MCC: variants seen among roughly 807,000 people sequenced by gnomAD.
The protein encoded by MCC is MCC regulator of Wnt signaling pathway, also known as colorectal mutant cancer protein.
A neutral mutation model predicts 116.2 loss-of-function variants in MCC; 90 were observed. The observed-to-expected ratio is 0.77, with a 90% CI of 0.65 to 0.92. MCC has a LOEUF of 0.92. MCC is among the 40% of genes least tolerant of loss of function. MCC has a pLI of 0.00. For synonymous variants in MCC, 578 were observed against 510.5 expected (o/e 1.13, Z -1.78); for missense variants, 1,516 against 1,312.2 (o/e 1.16, Z -2.40).
intron 1 of MCC, among the ~76,000 whole-genome samples, chr5:113,391,530 C>G (rs986027159): frequency 1.3e-5 from 2 of 152,006 alleles, no homozygotes; most frequent in Non-Finnish European, 2.9e-5. Context: ...GCCCGGGCAA[C>G]AAAGTGAGAC....
At chr5:113,202,641 TAAGTC>T (rs921949073) in intron 3 of MCC, among the ~76,000 whole-genome samples, 36 of 152,268 alleles carry the variant, frequency 2.4e-4, no homozygotes, top group African/African-American at 8.4e-4. Context: ...GGAAAAAACT[TAAGTC>T]AAACAACACA....
intron 5 of MCC, among the ~76,000 whole-genome samples, chr5:113,126,807 G>A (rs1405013277): frequency 1.3e-5 from 2 of 152,220 alleles, no homozygotes; most frequent in Non-Finnish European, 2.9e-5. Context: ...GGTGAGTCAT[G>A]AGCTATGTGT....
Position 113,228,609 on chromosome 5 carries a change from T to C in MCC, c.628-77187A>G, listed in dbSNP as rs116343497. On this transcript the variant is annotated intron_variant, in intron 3 of 18. Coordinates refer to ENST00000408903, the MANE Select transcript of MCC (RefSeq NM_001085377.2). ...GGTGGTAGGGGTAGGGTATAGATCA[T>C]ACAGGGCCCACTTTCAGGACTTAAG... 4.8e-3 allele frequency among the ~76,000 whole-genome samples: 735 copies of C among 152,214 alleles called. 5 individuals are homozygous for C. The highest frequency in any genetic ancestry group is 0.015 in the African/African-American group (604 of 41,524).
At chr5:113,165,198 G>C (rs1436742525) in intron 3 of MCC, among the ~76,000 whole-genome samples, 1 of 152,212 alleles carries the variant, frequency 6.6e-6, no homozygotes, top group Non-Finnish European at 1.5e-5. Flanking sequence ...GGTGGTTTGA[G>C]TCTAGCTTGA....
chr5:113,148,793 CAG>C (rs1322449670), intron 4 of MCC, among the ~76,000 whole-genome samples: 3 of 151,992 alleles, frequency 2.0e-5, no homozygotes, highest in African/African-American at 4.8e-5. Context: ...GTGAGAAGAG[CAG>C]AGAGTAATTT....
chr5:113,478,867 T>C (rs1772301810), intron 1 of MCC, among the ~76,000 whole-genome samples: 1 of 152,208 alleles, frequency 6.6e-6, no homozygotes, highest in South Asian at 2.1e-4. Context: ...TTATCCACTT[T>C]CTTTCCCTGT....
chr5:113,482,504 G>A (rs1772406572), intron 1 of MCC, among the ~76,000 whole-genome samples: 1 of 152,138 alleles, frequency 6.6e-6, no homozygotes, highest in South Asian at 2.1e-4. Flanking sequence ...TTTCCCTAGT[G>A]GCTAATGATG....
intron 1 of MCC, among the ~76,000 whole-genome samples, chr5:113,437,770 T>A (rs764787398): frequency 2.0e-4 from 30 of 152,342 alleles, no homozygotes; most frequent in Non-Finnish European, 2.2e-4. Flanking sequence ...CTTATCTATA[T>A]CCCAGATAGT....
intron 3 of MCC, among the ~76,000 whole-genome samples, chr5:113,190,637 G>T (rs1762110998): frequency 6.6e-6 from 1 of 152,134 alleles, no homozygotes; most frequent in African/African-American, 2.4e-5. Flanking sequence ...ACAAAACTTA[G>T]AATGGGGTGG....
Position 113,053,721 on chromosome 5 carries a change from A to G in MCC, c.2448+4T>C, listed in dbSNP as rs1396590303. On this transcript the variant is annotated splice_donor_region_variant and intron_variant, in intron 15 of 18. Coordinates refer to ENST00000408903, the MANE Select transcript of MCC (RefSeq NM_001085377.2). The stretch of plus-strand genomic sequence containing the variant: ...CTAGCACATGGGACCCACCCACCAC[A>G]TACCTTCATGGCCATGAGCTCCTGC... 6.2e-7 allele frequency: 1 copy of G among 1,600,946 alleles called. No homozygotes were observed. The highest frequency in any genetic ancestry group is 8.6e-7 in the Non-Finnish European group (1 of 1,168,998).
At chr5:113,195,644 A>C (rs1762368621) in intron 3 of MCC, among the ~76,000 whole-genome samples, 1 of 152,218 alleles carries the variant, frequency 6.6e-6, no homozygotes, top group Non-Finnish European at 1.5e-5. Context: ...ATGGGCTGGA[A>C]GAAAAAGCCA....
At chr5:113,471,146 A>C (rs1002554087) in intron 1 of MCC, among the ~76,000 whole-genome samples, 1 of 145,722 alleles carries the variant, frequency 6.9e-6, no homozygotes. Context: ...TAACTCAGTC[A>C]TTTGATCGTC....
chr5:113,076,464 G>A (rs1397218668), intron 11 of MCC, among the ~76,000 whole-genome samples: 1 of 152,108 alleles, frequency 6.6e-6, no homozygotes. Flanking sequence ...CTGATTTCTT[G>A]GGAGAAACTC....
chr5:113,061,682 T>A (rs1315335410), intron 14 of MCC, among the ~76,000 whole-genome samples: 1 of 152,220 alleles, frequency 6.6e-6, no homozygotes, highest in African/African-American at 2.4e-5. Context: ...AGGAGCTGCC[T>A]ATGGGCTGCC....
intron 1 of MCC, among the ~76,000 whole-genome samples, chr5:113,487,350 C>T (rs1488917914): frequency 6.6e-6 from 1 of 152,152 alleles, no homozygotes; most frequent in Admixed American, 6.5e-5. Context: ...TCCACGGATA[C>T]CAAGTCTTCA....
intron 6 of MCC, among the ~76,000 whole-genome samples, chr5:113,110,602 A>G (rs997536587): frequency 1.3e-5 from 2 of 152,204 alleles, no homozygotes; most frequent in Non-Finnish European, 2.9e-5. Flanking sequence ...TTTAAAGCAC[A>G]AGGTAAAGGG....
At chr5:113,394,519 C>T (rs10054914) in intron 1 of MCC, among the ~76,000 whole-genome samples, 3,906 of 152,266 alleles carry the variant, frequency 0.026, 174 homozygotes, top group African/African-American at 0.089. Flanking sequence ...AGTAGGTAGC[C>T]TTCATTCCAG....
chr5:113,462,480 A>AACAGTATTG (rs113513141), intron 1 of MCC, among the ~76,000 whole-genome samples: 17,186 of 152,096 alleles, frequency 0.11, 1,670 homozygotes, highest in African/African-American at 0.26. Flanking sequence ...AAATGTCATT[A>AACAGTATTG]ACAGTATTGT....
chr5:113,464,657 G>T (rs987646477), intron 1 of MCC, among the ~76,000 whole-genome samples: 1 of 152,006 alleles, frequency 6.6e-6, no homozygotes, highest in Non-Finnish European at 1.5e-5. Context: ...GTTTCTTAAG[G>T]TTGGCTATTT....
Sources: allele counts gnomAD v4.1 joint callset (sites outside exome capture counted in the v4.1 genomes callset), GRCh38; gene constraint gnomAD v4.1.1; transcripts MANE v1.5; gene names NCBI Gene and HGNC (gene_info 2026-07-23, HGNC 2026-07-21).